CDK11B: variants seen among roughly 807,000 people sequenced by gnomAD.
The protein encoded by CDK11B is cyclin dependent kinase 11B, also known as cyclin-dependent kinase 11B.
A neutral mutation model predicts 84.0 loss-of-function variants in CDK11B; 37 were observed. The ratio of observed to expected loss-of-function variants is 0.44; its 90% CI spans 0.34 to 0.58. The LOEUF (loss-of-function observed/expected upper bound fraction) is 0.58. Ranked by LOEUF, CDK11B falls within the 20% of genes least tolerant of loss-of-function variation. CDK11B has a pLI of 0.02. For synonymous variants in CDK11B, 269 were observed against 309.8 expected, an observed-to-expected ratio of 0.87 and a Z score of 1.38; for missense variants, 427 against 834.0, an observed-to-expected ratio of 0.51 and a Z score of 6.01.
At position 1,637,170 on chromosome 1, in the gene CDK11B, G is replaced by A. The variant is rs1339904146; in HGVS notation, c.1603C>T (p.Arg535Cys). Residue 535 changes from arginine to cysteine, a missense_variant, in exon 15 of 20, where the codon CGT becomes TGT. Around this residue, in one of 12 missense-constraint regions of CDK11B, gnomAD observed 19 missense variants for 22.5 expected, o/e 0.85. Coordinates refer to ENST00000341832, the MANE Select transcript of CDK11B (RefSeq NM_033486.3). Reference sequence around the variant, plus strand: ...TTGTCGTGCAGGTGTTTCACCCCACGCAGCAGCTGGATCATCAGGGTCTTC... The same window carrying A: ...TTGTCGTGCAGGTGTTTCACCCCACACAGCAGCTGGATCATCAGGGTCTTC... ...EVKTLMIQLLRGVKHLHDNWI... is the reference protein window; with the variant it reads ...EVKTLMIQLLCGVKHLHDNWI... 7.4e-6 allele frequency: 12 copies of A among 1,613,410 alleles called. No homozygotes were observed. The highest frequency in any genetic ancestry group is 1.3e-5 in the African/African-American group (1 of 74,880).
chr1:1,653,852 ACACACACACAC>A (rs1642357979), intron 3 of CDK11B, among the ~76,000 whole-genome samples: 2 of 150,274 alleles, frequency 1.3e-5, no homozygotes, highest in African/African-American at 2.5e-5. Flanking sequence ...ACACACACAC[ACACACACACAC>A]CCGAGCGTGG....
intron 4 of CDK11B, among the ~76,000 whole-genome samples, chr1:1,649,862 C>G (rs1306290704): frequency 1.9e-4 from 29 of 150,428 alleles, no homozygotes; most frequent in African/African-American, 6.6e-4. Flanking sequence ...GTAATCCCAG[C>G]TACTAAGCGA....
At chr1:1,658,165 A>C (rs1410261897) in intron 1 of CDK11B, among the ~76,000 whole-genome samples, 1 of 149,378 alleles carries the variant, frequency 6.7e-6, no homozygotes, top group Non-Finnish European at 1.5e-5. Flanking sequence ...GTCTCAAAAA[A>C]AAAAGAAAAA....
rs1570171612 is a variant in CDK11B, at chr1:1,649,341, T to C, written c.494+158A>G. ...TGGTCTCCATCTCCTCACCTCATGA[T>C]CCGCCCACCTCGGCCTCCCAAAGTG... On this transcript the variant is annotated intron_variant, in intron 5 of 19. Coordinates refer to ENST00000341832, the MANE Select transcript of CDK11B (RefSeq NM_033486.3). 3.9e-5 allele frequency among the ~76,000 whole-genome samples: 6 copies of C among 152,108 alleles called. No individual in the cohort carries two copies. In the South Asian group the frequency reaches 1.0e-3, roughly 26 times the overall value.
At chr1:1,650,061 C>G (rs1641732325) in intron 4 of CDK11B, among the ~76,000 whole-genome samples, 9 of 149,554 alleles carry the variant, frequency 6.0e-5, no homozygotes, top group Admixed American at 6.0e-4. Context: ...ATCACAAGGT[C>G]AGATCGGGAC....
In CDK11B at chr1:1,637,540, G is replaced by T. The variant is rs746060304; in HGVS notation, c.1465-27C>A. On this transcript the variant is annotated intron_variant, in intron 13 of 19. Transcript: ENST00000341832. ...TGCAGGGCACGGCTCTGTGGGTGCT[G>T]GGCACCTCCAGGCCCCCACCCACCC... The T allele has an allele frequency of 6.8e-6, 11 of 1,610,892 alleles. No individual in the cohort carries two copies. In the Admixed American group the frequency reaches 1.9e-4, roughly 27 times the overall value.
At chr1:1,654,074 G>A (rs1642395189) in intron 3 of CDK11B, 1 of 438,290 alleles carries the variant, frequency 2.3e-6, no homozygotes, top group South Asian at 1.6e-5. Flanking sequence ...AGTATCTTCA[G>A]CTGATTTCTG....
chr1:1,642,182 AAC>A (rs1243805359), intron 7 of CDK11B, among the ~76,000 whole-genome samples, 181 bp from the exon 8 acceptor site: 2 of 141,924 alleles, frequency 1.4e-5, no homozygotes, highest in African/African-American at 5.4e-5. Context: ...CCAGCGGATA[AAC>A]ACACGTCCTG....
At chr1:1,649,031 T>G (rs1431282220) in intron 5 of CDK11B, among the ~76,000 whole-genome samples, 2 of 152,178 alleles carry the variant, frequency 1.3e-5, no homozygotes, top group Middle Eastern at 6.3e-3. Flanking sequence ...CTCAGGACAG[T>G]TCTCTTGGTC....
At chr1:1,649,976 G>A (rs879126625) in intron 4 of CDK11B, among the ~76,000 whole-genome samples, 48,869 of 140,156 alleles carry the variant, frequency 0.35, 9,965 homozygotes, top group Non-Finnish European at 0.46. Flanking sequence ...AAAAACCCAC[G>A]TGAAACTGAA....
intron 11 of CDK11B, among the ~76,000 whole-genome samples, chr1:1,639,200 A>C (rs1260775767): frequency 1.2e-4 from 18 of 151,010 alleles, no homozygotes; most frequent in South Asian, 2.1e-4. Context: ...CTCGGCCTCC[A>C]AAAGTGCTGG....
intron 5 of CDK11B, among the ~76,000 whole-genome samples, chr1:1,648,133 A>G (rs1301229245): frequency 2.0e-5 from 3 of 152,242 alleles, no homozygotes; most frequent in African/African-American, 7.2e-5. Context: ...ATATGCTACC[A>G]TACCCAGTTC....
At chr1:1,649,271 T>G (rs1641584221) in intron 5 of CDK11B, among the ~76,000 whole-genome samples, 1 of 152,046 alleles carries the variant, frequency 6.6e-6, no homozygotes, top group African/African-American at 2.4e-5. Flanking sequence ...AGCTAATTTT[T>G]TGTATTTTTT....
chr1:1,654,488 G>A (rs1468411469), intron 3 of CDK11B, among the ~76,000 whole-genome samples: 2 of 151,486 alleles, frequency 1.3e-5, no homozygotes, highest in African/African-American at 4.9e-5. Flanking sequence ...TCCCTGTGTT[G>A]CCCAGGCTGG....
intron 2 of CDK11B, among the ~76,000 whole-genome samples, chr1:1,656,624 C>A (rs1270119082): frequency 6.6e-6 from 1 of 152,072 alleles, no homozygotes; most frequent in Non-Finnish European, 1.5e-5. Context: ...CCCATCTCTA[C>A]TAAAAAATAC....
chr1:1,655,242 A>G (rs1304697715), intron 3 of CDK11B, 127 bp downstream of exon 3: 20 of 1,182,872 alleles, frequency 1.7e-5, no homozygotes, highest in East Asian at 1.6e-4. Flanking sequence ...GCTATGTCAC[A>G]GTAACTCTAG....
chr1:1,655,288 G>A (rs1642596001), intron 3 of CDK11B, 81 bp downstream of exon 3: 5 of 1,513,438 alleles, frequency 3.3e-6, no homozygotes, highest in Non-Finnish European at 4.5e-6. Context: ...ACAGCACACA[G>A]TTGTCACAGC....
At chr1:1,656,206 G>T (rs1557726980) in intron 2 of CDK11B, among the ~76,000 whole-genome samples, 1 of 152,180 alleles carries the variant, frequency 6.6e-6, no homozygotes, top group South Asian at 2.1e-4. Flanking sequence ...TTTGGTTTAG[G>T]TCAGGCATGG....
At chr1:1,646,812 C>T (rs1321224503) in intron 5 of CDK11B, 1 of 519,906 alleles carries the variant, frequency 1.9e-6, no homozygotes, top group Non-Finnish European at 3.9e-6. Context: ...CTCTGAGCAG[C>T]TTGAGTATGC....
Sources: gnomAD v4.1 joint callset for allele counts (sites outside exome capture counted in the v4.1 genomes callset) on GRCh38, gnomAD v4.1.1 for gene constraint, gnomAD v4.1.1 regional missense constraint, MANE v1.5 for transcripts, NCBI Gene and HGNC (gene_info 2026-07-23, HGNC 2026-07-21) for gene names.